COBLL1: variants seen among roughly 807,000 people sequenced by gnomAD.
The protein encoded by COBLL1 is cordon-bleu WH2 repeat protein like 1, also known as cordon-bleu protein-like 1.
A neutral mutation model predicts 94.8 loss-of-function variants in COBLL1; 50 were observed. That is an observed-to-expected ratio of 0.53 (90% CI 0.42 to 0.67). COBLL1 has a LOEUF of 0.67. COBLL1 is among the 30% of genes least tolerant of loss of function. COBLL1 has a pLI of 0.00. For synonymous variants in COBLL1, 448 were observed against 473.8 expected, an observed-to-expected ratio of 0.95 and a Z score of 0.71; for missense variants, 1,362 against 1,348.7, an observed-to-expected ratio of 1.01 and a Z score of -0.15.
chr2:164,741,608 C>T lies in COBLL1; in HGVS notation c.230+2079G>A, dbSNP rs529839104. On this transcript the variant is annotated intron_variant, in intron 3 of 13. Transcript: ENST00000652658. ...TTAATCATATTTAATCCTATCAATT[C>T]GGCTATAATACATTTTCATAGATTT... is the stretch of plus-strand genomic sequence containing the variant. 9.2e-5 allele frequency among the ~76,000 whole-genome samples: 14 copies of T among 151,580 alleles called. No homozygotes were observed. In the South Asian group the frequency reaches 2.3e-3, roughly 25 times the overall value.
At chr2:164,782,840 A>G (rs1267696115) in intron 2 of COBLL1, among the ~76,000 whole-genome samples, 1 of 152,228 alleles carries the variant, frequency 6.6e-6, no homozygotes, top group Non-Finnish European at 1.5e-5. Flanking sequence ...ATAAAAGTTT[A>G]ACATTCAAAA....
chr2:164,765,790 T>G (rs1687903392), intron 2 of COBLL1, among the ~76,000 whole-genome samples: 1 of 152,190 alleles, frequency 6.6e-6, no homozygotes, highest in Non-Finnish European at 1.5e-5. Context: ...AAAATACATT[T>G]AGGAATATTG....
chr2:164,824,527 G>A (rs866279921), intron 2 of COBLL1, among the ~76,000 whole-genome samples: 5 of 152,136 alleles, frequency 3.3e-5, no homozygotes, highest in Admixed American at 1.3e-4. Flanking sequence ...CATTTTGAAA[G>A]TCCATTATGC....
intron 2 of COBLL1, among the ~76,000 whole-genome samples, chr2:164,832,998 G>C (rs561266016): frequency 6.6e-6 from 1 of 152,090 alleles, no homozygotes; most frequent in South Asian, 2.1e-4. Flanking sequence ...AGCCGAGATA[G>C]CGCCATTGCA....
chr2:164,708,051 A>G (rs1311805284), intron 7 of COBLL1, among the ~76,000 whole-genome samples: 6 of 152,196 alleles, frequency 3.9e-5, no homozygotes. Flanking sequence ...TTAGGTCTAC[A>G]GTGGCAGGAG....
intron 3 of COBLL1, among the ~76,000 whole-genome samples, chr2:164,738,570 T>G (rs1489958238): frequency 7.5e-6 from 1 of 133,864 alleles, no homozygotes; most frequent in Non-Finnish European, 1.6e-5. Flanking sequence ...GTAACAGTAG[T>G]CCTTTAATGT....
At chr2:164,738,580 T>C (rs896942671) in intron 3 of COBLL1, among the ~76,000 whole-genome samples, 5 of 152,242 alleles carry the variant, frequency 3.3e-5, no homozygotes, top group African/African-American at 9.6e-5. Context: ...TCCTTTAATG[T>C]TCATTTCTAG....
intron 3 of COBLL1, among the ~76,000 whole-genome samples, chr2:164,731,040 G>T (rs1395161594): frequency 2.0e-5 from 3 of 152,164 alleles, no homozygotes; most frequent in African/African-American, 7.2e-5. Context: ...ACAATGTGCA[G>T]GTCAAAATGG....
chr2:164,698,937 G>GT (rs1684092948), intron 11 of COBLL1, among the ~76,000 whole-genome samples: 1 of 151,948 alleles, frequency 6.6e-6, no homozygotes, highest in Non-Finnish European at 1.5e-5. Context: ...GGAAACAGTG[G>GT]TAAATAAGGT....
intron 2 of COBLL1, among the ~76,000 whole-genome samples, chr2:164,753,787 G>A (rs955695906): frequency 2.7e-5 from 4 of 150,478 alleles, no homozygotes; most frequent in Non-Finnish European, 5.9e-5. Context: ...CGTCACCCAG[G>A]CTGGAAGGCA....
At chr2:164,764,806 T>A (rs1261803017) in intron 2 of COBLL1, among the ~76,000 whole-genome samples, 3 of 152,116 alleles carry the variant, frequency 2.0e-5, no homozygotes, top group African/African-American at 7.2e-5. Flanking sequence ...ATTTTAAAAA[T>A]CCATGAGTTA....
chr2:164,730,108 T>A lies in COBLL1; in HGVS notation c.238A>T (p.Met80Leu). ...KSTTVHGSKP[M>L]MDLLIFLCAQ... Reference sequence around the variant, plus strand: ...CAAAGGAATATCAACAAGTCCATCATAGGTTTACTGTAAAACAAGAGTATT... The same window carrying A: ...CAAAGGAATATCAACAAGTCCATCAAAGGTTTACTGTAAAACAAGAGTATT... Residue 80 changes from methionine to leucine, a missense_variant, in exon 4 of 14, where the codon ATG (methionine) becomes TTG (leucine). Coordinates refer to ENST00000652658, the MANE Select transcript of COBLL1 (RefSeq NM_001365672.2). The A allele has an allele frequency of 6.2e-7, 1 of 1,612,814 alleles. No homozygotes were observed. The highest frequency in any genetic ancestry group is 8.5e-7 in the Non-Finnish European group (1 of 1,178,928).
chr2:164,718,346 T>C (rs1685281089), intron 7 of COBLL1: 1 of 506,974 alleles, frequency 2.0e-6, no homozygotes. Context: ...AAGTAAGTCA[T>C]GTTATACCCA....
At chr2:164,834,104 C>T (rs931900616) in intron 2 of COBLL1, among the ~76,000 whole-genome samples, 2 of 152,110 alleles carry the variant, frequency 1.3e-5, no homozygotes, top group South Asian at 2.1e-4. Flanking sequence ...AAAAAAGTCT[C>T]ATAACAACTA....
chr2:164,818,687 T>C (rs377142924), intron 2 of COBLL1, among the ~76,000 whole-genome samples: 3,292 of 144,286 alleles, frequency 0.023, 136 homozygotes, highest in African/African-American at 0.08. Context: ...ACATATATAG[T>C]GTATATGTAC....
chr2:164,819,789 G>GT (rs1473633210), intron 2 of COBLL1, among the ~76,000 whole-genome samples: 5 of 148,174 alleles, frequency 3.4e-5, no homozygotes, highest in South Asian at 2.1e-4. Context: ...AGAACATGTA[G>GT]TTTTTTTTGC....
intron 2 of COBLL1, among the ~76,000 whole-genome samples, chr2:164,819,461 A>C (rs1434956357): frequency 1.3e-5 from 2 of 152,146 alleles, no homozygotes; most frequent in Non-Finnish European, 2.9e-5. Flanking sequence ...AGAAAATACA[A>C]ACTTAAAATA....
chr2:164,808,748 T>C (rs1684319369), intron 2 of COBLL1, among the ~76,000 whole-genome samples: 1 of 152,176 alleles, frequency 6.6e-6, no homozygotes. Context: ...ACACTATTAC[T>C]TTTTTAAAAA....
intron 13 of COBLL1, among the ~76,000 whole-genome samples, chr2:164,688,090 G>C (rs1410274228): frequency 6.6e-6 from 1 of 152,004 alleles, no homozygotes; most frequent in African/African-American, 2.4e-5. Flanking sequence ...ATTTTAAAAA[G>C]CTTCAAAGAG....
Sources: gnomAD v4.1 joint callset for allele counts (sites outside exome capture counted in the v4.1 genomes callset) on GRCh38, gnomAD v4.1.1 for gene constraint, MANE v1.5 for transcripts, NCBI Gene and HGNC (gene_info 2026-07-23, HGNC 2026-07-21) for gene names.